Variants in CTNNA2 observed in about 807,000 individuals in gnomAD.
CTNNA2 encodes catenin alpha 2, also known as catenin alpha-2.
CTNNA2 carries 42 observed loss-of-function variants against 101.0 expected under a neutral mutation model. The ratio of observed to expected loss-of-function variants is 0.42; its 90% confidence interval spans 0.32 to 0.54. The LOEUF is 0.54. Ranked by LOEUF, CTNNA2 falls within the 20% of genes least tolerant of loss-of-function variation. The probability of loss-of-function intolerance (pLI) is 0.14; values close to 1 mark genes in which losing one functional copy is unlikely to be tolerated. For missense variants in CTNNA2, 871 were observed against 1,223.1 expected, an observed-to-expected ratio of 0.71 and a Z score of 4.29; for synonymous variants, 450 against 456.4, an observed-to-expected ratio of 0.99 and a Z score of 0.18.
chr2:79,327,526 C>G (rs189828149), intron 3 of CTNNA2, among the ~76,000 whole-genome samples: 4 of 152,078 alleles, frequency 2.6e-5, no homozygotes, highest in Non-Finnish European at 5.9e-5. Flanking sequence ...ATTAGATATC[C>G]AACATACTTA....
chr2:80,451,066 T>C (rs748974666), intron 9 of CTNNA2, among the ~76,000 whole-genome samples: 2 of 152,146 alleles, frequency 1.3e-5, no homozygotes, highest in Non-Finnish European at 2.9e-5. Flanking sequence ...TCTGGTGCAT[T>C]ATCCTTTGTG....
chr2:79,449,458 G>A (rs1013041789), intron 4 of CTNNA2, among the ~76,000 whole-genome samples: 3 of 151,774 alleles, frequency 2.0e-5, no homozygotes, highest in Non-Finnish European at 2.9e-5. Flanking sequence ...GTTTGGGTTA[G>A]GTAATAAAGA....
At position 80,140,175 on chromosome 2, in the gene CTNNA2, A is replaced by G. The variant is rs569880264; in HGVS notation, c.1056+230378A>G. Among the ~76,000 whole-genome samples, 218 of 152,342 alleles carry G rather than the reference A, an allele frequency of 1.4e-3. 1 individual carries two copies. Among genetic ancestry groups the G allele is most frequent in the South Asian group, 0.014 (69 of 4,824 alleles). On this transcript the variant is annotated intron_variant, in intron 7 of 18. Coordinates refer to ENST00000402739, the MANE Select transcript of CTNNA2 (RefSeq NM_001282597.3). ...ATCAAGTCAGCAAAGAACAACAGTC[A>G]GGCACGAAAGTGTTAAAAGTACCCA...
intron 3 of CTNNA2, among the ~76,000 whole-genome samples, chr2:79,774,894 T>G (rs922281886): frequency 2.0e-5 from 3 of 152,208 alleles, no homozygotes; most frequent in Non-Finnish European, 4.4e-5. Flanking sequence ...ACCTTCAGCA[T>G]TTGTAACTTT....
At chr2:80,466,179 G>C (rs78045048) in intron 9 of CTNNA2, among the ~76,000 whole-genome samples, 4,694 of 152,176 alleles carry the variant, frequency 0.031, 239 homozygotes, top group African/African-American at 0.11. Flanking sequence ...GCATTCTAGC[G>C]TATAAAGTAA....
At chr2:79,249,268 C>T (rs780816387) in intron 2 of CTNNA2, among the ~76,000 whole-genome samples, 4 of 152,128 alleles carry the variant, frequency 2.6e-5, no homozygotes, top group Non-Finnish European at 4.4e-5. Context: ...GTGTTTCATT[C>T]TTCTATTCTT....
At chr2:80,580,848 C>G (rs1407717220) in intron 13 of CTNNA2, among the ~76,000 whole-genome samples, 1 of 152,022 alleles carries the variant, frequency 6.6e-6, no homozygotes, top group African/African-American at 2.4e-5. Context: ...AACCTTGTCT[C>G]TACTAAAAAA....
At chr2:80,123,388 A>G (rs1241464158) in intron 7 of CTNNA2, among the ~76,000 whole-genome samples, 4 of 152,056 alleles carry the variant, frequency 2.6e-5, no homozygotes, top group African/African-American at 9.7e-5. Context: ...AGGGCAAGGA[A>G]GAACATCTTC....
chr2:79,433,700 T>A (rs1000997493), intron 4 of CTNNA2, among the ~76,000 whole-genome samples: 1 of 149,238 alleles, frequency 6.7e-6, no homozygotes, highest in African/African-American at 2.5e-5. Flanking sequence ...AGGAAACTTG[T>A]AACCAGAAAA....
At chr2:79,967,110 G>A (rs576870599) in intron 7 of CTNNA2, among the ~76,000 whole-genome samples, 9 of 61,252 alleles carry the variant, frequency 1.5e-4, no homozygotes, top group Middle Eastern at 6.8e-3. Context: ...GCACACACGC[G>A]CACGCACGTG....
intron 7 of CTNNA2, among the ~76,000 whole-genome samples, chr2:80,254,346 T>A (rs532092173): frequency 6.6e-6 from 1 of 152,154 alleles, no homozygotes. Flanking sequence ...GAAATTTGCA[T>A]TGAAGAGGGC....
chr2:80,346,727 A>G (rs1160222593), intron 7 of CTNNA2, among the ~76,000 whole-genome samples: 4 of 152,210 alleles, frequency 2.6e-5, no homozygotes, highest in Non-Finnish European at 5.9e-5. Context: ...TCTAAATTTC[A>G]CAAACCTTAA....
intron 6 of CTNNA2, among the ~76,000 whole-genome samples, chr2:79,876,247 TAAAG>T (rs1244976354): frequency 6.6e-6 from 1 of 151,984 alleles, no homozygotes; most frequent in Admixed American, 6.6e-5. Flanking sequence ...TATTCTAGAA[TAAAG>T]AATGAATGAG....
intron 7 of CTNNA2, among the ~76,000 whole-genome samples, chr2:80,360,118 C>T (rs1674255926): frequency 6.6e-6 from 1 of 151,918 alleles, no homozygotes; most frequent in South Asian, 2.1e-4. Context: ...TAAATTTATT[C>T]CTAATTTTCT....
Position 80,243,297 on chromosome 2 carries a change from G to T in CTNNA2, c.1057-149914G>T, listed in dbSNP as rs534961803. Among the ~76,000 whole-genome samples the T allele has an allele frequency of 7.2e-4, 110 of 152,028 alleles. 1 individual carries two copies. The highest frequency in any genetic ancestry group is 1.4e-3 in the Non-Finnish European group (93 of 67,980). ...GGATATAATTGTTATCTAATAAACT[G>T]CACATATTTAAAATAAACAATTTGA... is the stretch of plus-strand genomic sequence containing the variant. On this transcript the variant is annotated intron_variant, in intron 7 of 18. Coordinates refer to ENST00000402739, the MANE Select transcript of CTNNA2 (RefSeq NM_001282597.3).
chr2:80,162,561 C>T, intron 7 of CTNNA2: 1 of 1,609,250 alleles, frequency 6.2e-7, no homozygotes, highest in Non-Finnish European at 8.5e-7. Flanking sequence ...TCTCTTTCCT[C>T]TGTAATGATG....
intron 9 of CTNNA2, among the ~76,000 whole-genome samples, chr2:80,479,543 T>C (rs997419688): frequency 1.3e-5 from 2 of 152,102 alleles, no homozygotes; most frequent in African/African-American, 4.8e-5. Flanking sequence ...TGCTTTCAAG[T>C]TTTTAGAGGG....
At chr2:79,294,201 G>GA (rs57610881) in intron 2 of CTNNA2, among the ~76,000 whole-genome samples, 2,555 of 145,388 alleles carry the variant, frequency 0.018, 67 homozygotes, top group African/African-American at 0.065. Context: ...GAGAGAGAGA[G>GA]AGAAGAAGAA....
chr2:80,251,302 A>G (rs1380831467), intron 7 of CTNNA2, among the ~76,000 whole-genome samples: 1 of 152,146 alleles, frequency 6.6e-6, no homozygotes, highest in Non-Finnish European at 1.5e-5. Context: ...AAATAATGAT[A>G]TTGAAAGCAA....
Sources: allele counts gnomAD v4.1 joint callset (sites outside exome capture counted in the v4.1 genomes callset), GRCh38; gene constraint gnomAD v4.1.1; transcripts MANE v1.5; gene names NCBI Gene and HGNC (gene_info 2026-07-23, HGNC 2026-07-21).